Variants in ANO2 observed in about 807,000 individuals in gnomAD.
ANO2 encodes anoctamin 2.
ANO2 carries 101 observed loss-of-function variants against 124.2 expected under a neutral mutation model. That is an observed-to-expected ratio of 0.81 (90% CI 0.69 to 0.96). The LOEUF is 0.96. Among genes scored for constraint, ANO2 ranks in the 40% least tolerant of loss-of-function variants. ANO2 has a pLI of 0.00. For missense variants in ANO2, 1,293 were observed against 1,274.5 expected, an observed-to-expected ratio of 1.01 and a Z score of -0.22; for synonymous variants, 486 against 482.5, an observed-to-expected ratio of 1.01 and a Z score of -0.09.
rs545044632 is a variant in ANO2 at position 5,565,584 on chromosome 12, G to A, written c.2701C>T (p.Arg901Cys). 64 of 1,604,502 alleles carry A rather than the reference G, an allele frequency of 4.0e-5. No individual in the cohort carries two copies. Among genetic ancestry groups the A allele is most frequent in the Admixed American group, 8.5e-5 (5 of 58,880 alleles). The part of the protein sequence containing the change: ...SKQYWFILSA[R>C]LAFVIIFQNL... ...TGGAAGATTATGACAAAAGCCAGAC[G>A]GGCGGACAGAATAAACCAGTACTGT... The change falls in exon 24 of 25, where the codon CGT becomes TGT. Residue 901 changes from arginine to cysteine, a missense_variant. Transcript: ENST00000682330.
chr12:5,874,868 C>T (rs1053560891), intron 3 of ANO2, among the ~76,000 whole-genome samples: 2 of 152,186 alleles, frequency 1.3e-5, no homozygotes, highest in East Asian at 1.9e-4. Context: ...GTGCAGGCCA[C>T]GTGGTTTCTG....
chr12:5,927,280 T>C (rs540575737), intron 1 of ANO2, among the ~76,000 whole-genome samples: 24 of 152,314 alleles, frequency 1.6e-4, no homozygotes, highest in Middle Eastern at 3.4e-3. Context: ...CTGTTTCATA[T>C]CAGTGGCCTC....
intron 3 of ANO2, among the ~76,000 whole-genome samples, chr12:5,903,133 G>A (rs571772126): frequency 6.6e-5 from 10 of 151,870 alleles, no homozygotes; most frequent in Admixed American, 1.3e-4. Context: ...GGACAATTGC[G>A]CAGTGTTGAA....
At chr12:5,836,111 C>A (rs2137225087) in intron 4 of ANO2, among the ~76,000 whole-genome samples, 1 of 152,326 alleles carries the variant, frequency 6.6e-6, no homozygotes, top group South Asian at 2.1e-4. Flanking sequence ...TCCTCTCCGT[C>A]TCCACCTCTG....
chr12:5,589,968 C>A (rs1039589261), intron 20 of ANO2, among the ~76,000 whole-genome samples: 1 of 152,074 alleles, frequency 6.6e-6, no homozygotes. Context: ...ACCAACACTA[C>A]ACCTCGGAAG....
At chr12:5,887,839 CTT>C (rs1262320751) in intron 3 of ANO2, among the ~76,000 whole-genome samples, 1 of 138,364 alleles carries the variant, frequency 7.2e-6, no homozygotes. Context: ...TTTTTTTTTT[CTT>C]TTTTTTTTTT....
intron 14 of ANO2, among the ~76,000 whole-genome samples, chr12:5,731,694 C>T (rs903755841): frequency 1.3e-5 from 2 of 152,022 alleles, no homozygotes; most frequent in Admixed American, 1.3e-4. Flanking sequence ...CATACATACT[C>T]TGAGTTTTTT....
At chr12:5,920,994 G>C in intron 3 of ANO2, 46 bp downstream of exon 3, 1 of 1,564,452 alleles carries the variant, frequency 6.4e-7, no homozygotes, top group African/African-American at 1.3e-5. Context: ...GCCCGGTTCT[G>C]TGGTGCCATT....
intron 3 of ANO2, among the ~76,000 whole-genome samples, chr12:5,883,833 G>A (rs1280758089): frequency 1.3e-5 from 2 of 152,290 alleles, no homozygotes; most frequent in Admixed American, 6.5e-5. Flanking sequence ...ACTTTAAATA[G>A]CACCATGTAA....
intron 14 of ANO2, among the ~76,000 whole-genome samples, chr12:5,675,160 G>A (rs1948181403): frequency 6.6e-6 from 1 of 152,214 alleles, no homozygotes; most frequent in African/African-American, 2.4e-5. Flanking sequence ...GCCTAGGTCA[G>A]TGTGACTCCA....
intron 3 of ANO2, among the ~76,000 whole-genome samples, chr12:5,884,430 G>A (rs1422447158): frequency 6.6e-6 from 1 of 152,198 alleles, no homozygotes; most frequent in Admixed American, 6.5e-5. Context: ...TGCTATACCT[G>A]CAAATCACTC....
intron 14 of ANO2, among the ~76,000 whole-genome samples, chr12:5,652,354 T>C (rs996592542): frequency 1.3e-5 from 2 of 152,184 alleles, no homozygotes; most frequent in Non-Finnish European, 2.9e-5. Context: ...TTACATTAGT[T>C]AAGTACATTT....
In ANO2 at chr12:5,864,801, A is replaced by C. The variant is rs565637578; in HGVS notation, c.535-10660T>G. Among the ~76,000 whole-genome samples, 4 of 152,316 alleles carry C rather than the reference A, an allele frequency of 2.6e-5. No homozygotes were observed. The East Asian group carries it at 7.7e-4, about 29-fold the overall frequency. On this transcript the variant is annotated intron_variant, in intron 3 of 24. Coordinates refer to ENST00000682330, the MANE Select transcript of ANO2 (RefSeq NM_001364791.2). The stretch of plus-strand genomic sequence containing the variant: ...GTCCCAGGCTAGACAAGCAAATCAC[A>C]GGATCAACCTGTGAGCACCACTACA...
chr12:5,575,036 C>T (rs149859183), intron 23 of ANO2, among the ~76,000 whole-genome samples: 2 of 152,304 alleles, frequency 1.3e-5, no homozygotes, highest in South Asian at 2.1e-4. Context: ...TTTGTCCCCA[C>T]CCCATGACTT....
intron 14 of ANO2, among the ~76,000 whole-genome samples, chr12:5,703,940 C>G (rs1949504588): frequency 1.3e-5 from 2 of 152,158 alleles, no homozygotes. Context: ...GCAGAAATTC[C>G]TCACTTAATG....
intron 14 of ANO2, among the ~76,000 whole-genome samples, chr12:5,732,154 C>A (rs1344085888): frequency 6.6e-6 from 1 of 152,194 alleles, no homozygotes; most frequent in African/African-American, 2.4e-5. Context: ...CAGTGTCTAA[C>A]ATAGAGCAAG....
intron 3 of ANO2, among the ~76,000 whole-genome samples, chr12:5,917,921 C>A (rs1941476961): frequency 6.6e-6 from 1 of 152,104 alleles, no homozygotes; most frequent in Non-Finnish European, 1.5e-5. Flanking sequence ...ATGAGGTAAG[C>A]TAAGCAAGGT....
chr12:5,736,197 T>G (rs912968234), intron 13 of ANO2, among the ~76,000 whole-genome samples: 1 of 152,184 alleles, frequency 6.6e-6, no homozygotes, highest in African/African-American at 2.4e-5. Flanking sequence ...TGGGCTTGGT[T>G]GCTTCCTTCC....
At chr12:5,843,931 A>G (rs1356462037) in intron 4 of ANO2, among the ~76,000 whole-genome samples, 1 of 152,220 alleles carries the variant, frequency 6.6e-6, no homozygotes, top group Non-Finnish European at 1.5e-5. Flanking sequence ...CAGGGGGCTT[A>G]TGATATATTT....
Sources: allele counts gnomAD v4.1 joint callset (sites outside exome capture counted in the v4.1 genomes callset), GRCh38; gene constraint gnomAD v4.1.1; transcripts MANE v1.5; gene names NCBI Gene and HGNC (gene_info 2026-07-23, HGNC 2026-07-21).